C1orf198: variants seen among roughly 807,000 people sequenced by gnomAD.
The protein encoded by C1orf198 is uncharacterized protein C1orf198.
Under a neutral mutation model 31.4 loss-of-function variants are expected in C1orf198, and 17 were observed. The observed-to-expected ratio is 0.54, with a 90% CI of 0.37 to 0.81. The LOEUF is 0.81. Ranked by LOEUF, C1orf198 falls within the 40% of genes least tolerant of loss-of-function variation. The pLI, the probability that C1orf198 is intolerant of heterozygous loss-of-function variation, is 0.00. For synonymous variants in C1orf198, 175 were observed against 193.8 expected, an observed-to-expected ratio of 0.90 and a Z score of 0.81; for missense variants, 401 against 450.3, an observed-to-expected ratio of 0.89 and a Z score of 0.99.
chr1:230,862,010 G>A (rs1013825326), intron 1 of C1orf198, among the ~76,000 whole-genome samples: 7 of 152,238 alleles, frequency 4.6e-5, no homozygotes, highest in Non-Finnish European at 1.0e-4. Context: ...GGCTTAGAGA[G>A]CAGAGCATGT....
At chr1:230,845,722 A>G (rs1444549504) in intron 2 of C1orf198, among the ~76,000 whole-genome samples, 1 of 152,128 alleles carries the variant, frequency 6.6e-6, no homozygotes, top group Admixed American at 6.5e-5. Context: ...GAAAATATAC[A>G]TTAAAAATAA....
In C1orf198 at chr1:230,837,709, C is replaced by T. The variant is rs987385890; in HGVS notation, c.*2143G>A. On this transcript the variant is annotated 3_prime_UTR_variant, in exon 4 of 4. Coordinates refer to ENST00000366663, the MANE Select transcript of C1orf198 (RefSeq NM_032800.3). Reference sequence around the variant, plus strand: ...CCCTTCTTCCAAAAGCACAGCAAAGCAATACAACTTGAGGACTCCCTCCAA... The same window carrying T: ...CCCTTCTTCCAAAAGCACAGCAAAGTAATACAACTTGAGGACTCCCTCCAA... 1 of 152,180 alleles carries T rather than the reference C, an allele frequency of 6.6e-6. No homozygotes were observed. The highest frequency in any genetic ancestry group is 1.5e-5 in the Non-Finnish European group (1 of 68,032). The allele number at this position is 152,180 out of a possible 1,614,324, so 9.4% of individuals were successfully genotyped here.
At chr1:230,850,784 C>A (rs905177215) in intron 2 of C1orf198, among the ~76,000 whole-genome samples, 1 of 151,904 alleles carries the variant, frequency 6.6e-6, no homozygotes. Flanking sequence ...TGGTGTCCTG[C>A]CTCTCAGAAG....
In C1orf198 at chr1:230,840,084, A is replaced by T. The variant is rs574797893; in HGVS notation, c.928-176T>A. Among the ~76,000 whole-genome samples the T allele has an allele frequency of 5.8e-4, 88 of 152,336 alleles. No homozygotes were observed. Among genetic ancestry groups the T allele is most frequent in the African/African-American group, 2.0e-3 (85 of 41,576 alleles). ...AAATCAGAAGATTAAATACAGTTCA[A>T]TGCAATCTATACTCTGCCAGCATCC... On this transcript the variant is annotated intron_variant, in intron 3 of 3. Transcript: ENST00000366663. The surrounding 1 kb of genome is among the most constrained non-coding windows in gnomAD (Gnocchi z 4.0).
Position 230,839,887 on chromosome 1 carries a change from AGAC to A in C1orf198, c.946_948del (p.Val316del), listed in dbSNP as rs542332737. On this transcript the variant is annotated inframe_deletion, in exon 4 of 4. Transcript: ENST00000366663. ...TCCAGAAAATCAAATCCCGTCTTCA[AGAC>A]GACATTACTTGAGCTGACCTGTAGA... is the stretch of plus-strand genomic sequence containing the variant. 78 of 1,610,834 alleles carry A rather than the reference AGAC, an allele frequency of 4.8e-5. 1 individual carries two copies. In the East Asian group the frequency reaches 1.5e-3, roughly 31 times the overall value.
chr1:230,838,035 C>T lies in C1orf198; in HGVS notation c.*1817G>A, dbSNP rs914561397. 1 of 152,246 alleles carries T rather than the reference C, an allele frequency of 6.6e-6. No homozygotes were observed. Among genetic ancestry groups the T allele is most frequent in the Non-Finnish European group, 1.5e-5 (1 of 68,050 alleles). 9.4% of individuals were successfully genotyped at this position (152,246 alleles called of 1,614,324 possible). The stretch of plus-strand genomic sequence containing the variant: ...TACAGAATACAAACTCATACATATA[C>T]ATTTGCTACCATAGGTTCTACAACA... On this transcript the variant is annotated 3_prime_UTR_variant, in exon 4 of 4. Coordinates refer to ENST00000366663, the MANE Select transcript of C1orf198 (RefSeq NM_032800.3). The surrounding 1 kb of genome is among the most constrained non-coding windows in gnomAD (Gnocchi z 4.2).
intron 2 of C1orf198, among the ~76,000 whole-genome samples, chr1:230,851,261 G>T (rs543704323): frequency 1.3e-5 from 2 of 152,268 alleles, no homozygotes; most frequent in South Asian, 2.1e-4. Flanking sequence ...GTGAAGGAAG[G>T]GGGTAGCCAG....
chr1:230,854,601 C>G (rs140879117), intron 2 of C1orf198, among the ~76,000 whole-genome samples: 132 of 152,302 alleles, frequency 8.7e-4, no homozygotes, highest in African/African-American at 3.0e-3. Flanking sequence ...AATTGTCCCA[C>G]GCTCCCACGC....
chr1:230,848,924 G>A (rs1433876736), intron 2 of C1orf198, among the ~76,000 whole-genome samples: 1 of 152,124 alleles, frequency 6.6e-6, no homozygotes, highest in African/African-American at 2.4e-5. Context: ...CATCTCTCAG[G>A]AACTGCAGCC....
intron 1 of C1orf198, among the ~76,000 whole-genome samples, chr1:230,864,026 G>A (rs1263534255): frequency 2.0e-5 from 3 of 152,122 alleles, no homozygotes; most frequent in East Asian, 3.9e-4. Flanking sequence ...TAAAGGGAAA[G>A]GGGATGAGGA....
At position 230,861,633 on chromosome 1, in the gene C1orf198, C is replaced by G. The variant is rs77818162; in HGVS notation, c.334-5915G>C. Among the ~76,000 whole-genome samples, 18 of 152,326 alleles carry G rather than the reference C, an allele frequency of 1.2e-4. No individual in the cohort carries two copies. In the East Asian group the frequency reaches 3.5e-3, roughly 30 times the overall value. Reference sequence around the variant, plus strand: ...TCAGGGCTAGTTCGCCTCACTCCCCCAGAGCCGGCTCCAGCATACCACAGG... The same window carrying G: ...TCAGGGCTAGTTCGCCTCACTCCCCGAGAGCCGGCTCCAGCATACCACAGG... On this transcript the variant is annotated intron_variant, in intron 1 of 3. Transcript: ENST00000366663.
intron 1 of C1orf198, among the ~76,000 whole-genome samples, chr1:230,859,572 C>G (rs757771814): frequency 3.3e-5 from 5 of 152,058 alleles, no homozygotes; most frequent in Non-Finnish European, 7.4e-5. Context: ...CCCAGGTCAC[C>G]AAATCCCAGA....
At chr1:230,854,392 G>A (rs1202200601) in intron 2 of C1orf198, among the ~76,000 whole-genome samples, 2 of 152,152 alleles carry the variant, frequency 1.3e-5, no homozygotes, top group Non-Finnish European at 2.9e-5. Context: ...ACCCACTTAT[G>A]ACTTCCTTTG....
chr1:230,856,538 C>T (rs1352663304), intron 1 of C1orf198, among the ~76,000 whole-genome samples: 1 of 152,122 alleles, frequency 6.6e-6, no homozygotes, highest in African/African-American at 2.4e-5. Context: ...TGTCCAGCTT[C>T]GATTGGGTAA....
rs1171509049 is a variant in C1orf198, at chr1:230,843,077, T to C, written c.927+277A>G. 6.6e-6 allele frequency among the ~76,000 whole-genome samples: 1 copy of C among 152,236 alleles called. No individual in the cohort carries two copies. The highest frequency in any genetic ancestry group is 1.5e-5 in the Non-Finnish European group (1 of 68,032). ...CGCAGCGCCTTCCAGGGGCCTCTTC[T>C]GATAGCAGCCCGCGCACTGGGGAAA... On this transcript the variant is annotated intron_variant, in intron 3 of 3. Coordinates refer to ENST00000366663, the MANE Select transcript of C1orf198 (RefSeq NM_032800.3). This position sits in a 1 kb window ranked among gnomAD's most constrained non-coding sequence, Gnocchi z 4.9.
rs1390044750 is a variant in C1orf198 at position 230,843,324 on chromosome 1, T to C, written c.927+30A>G. 1.9e-6 allele frequency: 3 copies of C among 1,549,396 alleles called. No homozygotes were observed. Among genetic ancestry groups the C allele is most frequent in the Non-Finnish European group, 2.6e-6 (3 of 1,145,838 alleles). Reference sequence around the variant, plus strand: ...TCCCGTGGAATAAGGCACCATCCCATCTGAGGACGCGCTGGTAAAGGCCAC... The same window carrying C: ...TCCCGTGGAATAAGGCACCATCCCACCTGAGGACGCGCTGGTAAAGGCCAC... On this transcript the variant is annotated intron_variant, in intron 3 of 3. Transcript: ENST00000366663. This position sits in a 1 kb window ranked among gnomAD's most constrained non-coding sequence, Gnocchi z 4.9.
Position 230,868,511 on chromosome 1 carries a change from A to ATGCCCGGCC in C1orf198, c.-8_1dup (p.Trp1_?0), listed in dbSNP as rs1241607073. On this transcript the variant is annotated start_lost and start_retained_variant, in exon 1 of 4. Transcript: ENST00000366663. ...CGCGATCGCCGCCGCCATGGACGCC[A>ATGCCCGGCC]TGCCCGGCCTGCCCGCCGCTCCCGG... 1.5e-6 allele frequency: 2 copies of ATGCCCGGCC among 1,367,950 alleles called. No homozygotes were observed. The highest frequency in any genetic ancestry group is 3.0e-5 in the African/African-American group (2 of 66,576). The allele number at this position is 1,367,950 out of a possible 1,614,324, so 84.7% of individuals were successfully genotyped here.
intron 1 of C1orf198, 89 bp downstream of exon 1, chr1:230,868,091 G>T: frequency 8.0e-7 from 1 of 1,247,780 alleles, no homozygotes; most frequent in East Asian, 3.2e-5. Flanking sequence ...TACCAGCTGG[G>T]GCGGCCTCAC....
intron 1 of C1orf198, among the ~76,000 whole-genome samples, chr1:230,865,153 T>C (rs982540220): frequency 6.6e-6 from 1 of 152,186 alleles, no homozygotes; most frequent in African/African-American, 2.4e-5. Context: ...CTGTGAGCCA[T>C]TGGTTCTGCC....
Sources: gnomAD v4.1 joint callset for allele counts (sites outside exome capture counted in the v4.1 genomes callset) on GRCh38, gnomAD v4.1.1 for gene constraint, Gnocchi (gnomAD v3.1) non-coding constraint, MANE v1.5 for transcripts, NCBI Gene and HGNC (gene_info 2026-07-23, HGNC 2026-07-21) for gene names.